SPRYD4: variants seen among roughly 807,000 people sequenced by gnomAD.
SPRYD4 encodes the protein SPRY domain-containing protein 4.
SPRYD4 carries 12 observed loss-of-function variants against 16.6 expected under a neutral mutation model. The observed-to-expected ratio is 0.72, with a 90% CI of 0.46 to 1.17. The LOEUF (loss-of-function observed/expected upper bound fraction) is 1.17. SPRYD4 is among the 50% of genes most tolerant of loss of function. The pLI, the probability that SPRYD4 is intolerant of heterozygous loss-of-function variation, is 0.00. For synonymous variants in SPRYD4, 98 were observed against 105.4 expected (o/e 0.93, Z 0.43); for missense variants, 260 against 260.2 (o/e 1.00, Z 0.00).
rs1870012467 is a variant in SPRYD4, at chr12:56,478,394, G to A, written c.*8817G>A. The A allele has an allele frequency of 1.1e-6, 1 of 881,254 alleles. No homozygotes were observed. Among genetic ancestry groups the A allele is most frequent in the East Asian group, 2.7e-5 (1 of 37,640 alleles). 54.6% of individuals were successfully genotyped at this position (881,254 alleles called of 1,614,324 possible). A position where few individuals can be genotyped will look rare whatever the true frequency, so the allele number is the denominator to read the frequency against. On this transcript the variant is annotated 3_prime_UTR_variant, in exon 2 of 2. Coordinates refer to ENST00000338146, the MANE Select transcript of SPRYD4 (RefSeq NM_207344.4). ...CTATAGGGCAGAGGGGTTCCCTCCT[G>A]CCTGTTGCTCCCAGAAATGCCCGAG...
chr12:56,475,203 T>G lies in SPRYD4; in HGVS notation c.*5626T>G. 6.2e-7 allele frequency: 1 copy of G among 1,604,294 alleles called. No homozygotes were observed. The highest frequency in any genetic ancestry group is 8.5e-7 in the Non-Finnish European group (1 of 1,179,834). The stretch of plus-strand genomic sequence containing the variant: ...CCTTCCCTGGAGAGACAGAACTACA[T>G]CACACCACAAACTAAATGAACCCCT... On this transcript the variant is annotated 3_prime_UTR_variant, in exon 2 of 2. Coordinates refer to ENST00000338146, the MANE Select transcript of SPRYD4 (RefSeq NM_207344.4).
At position 56,478,791 on chromosome 12, in the gene SPRYD4, G is replaced by C; in HGVS notation, c.*9214G>C. On this transcript the variant is annotated 3_prime_UTR_variant, in exon 2 of 2. Coordinates refer to ENST00000338146, the MANE Select transcript of SPRYD4 (RefSeq NM_207344.4). ...GTGGATCACTTGAGATCAGGAGTTC[G>C]AGACCAGCCTGGCCAATATGGCAAA... 5.6e-6 allele frequency: 2 copies of C among 354,710 alleles called. No individual in the cohort carries two copies. The highest frequency in any genetic ancestry group is 7.4e-5 in the South Asian group (2 of 26,960). The allele number at this position is 354,710 out of a possible 1,614,324, so 22.0% of individuals were successfully genotyped here. A position where few individuals can be genotyped will look rare whatever the true frequency, so the allele number is the denominator to read the frequency against.
In SPRYD4 at chr12:56,475,427, A is replaced by G. The variant is rs1370651968; in HGVS notation, c.*5850A>G. ...CATCACACTGCCTCTCTCATTATGT[A>G]CTAATTAGAAATGGAACAAATTATT... On this transcript the variant is annotated 3_prime_UTR_variant, in exon 2 of 2. Transcript: ENST00000338146. 3 of 706,616 alleles carry G rather than the reference A, an allele frequency of 4.2e-6. No homozygotes were observed. Among genetic ancestry groups the G allele is most frequent in the Admixed American group, 5.9e-5 (2 of 34,184 alleles). The allele number at this position is 706,616 out of a possible 1,614,324, so 43.8% of individuals were successfully genotyped here. A position where few individuals can be genotyped will look rare whatever the true frequency, so the allele number is the denominator to read the frequency against.
chr12:56,475,294 G>T lies in SPRYD4; in HGVS notation c.*5717G>T. ...CTGAGCAAACACTCAGCATAGTTTT[G>T]TTATAAAGTAAACCCAAACCAAACA... On this transcript the variant is annotated 3_prime_UTR_variant, in exon 2 of 2. Transcript: ENST00000338146. 1.4e-6 allele frequency: 2 copies of T among 1,457,108 alleles called. No individual in the cohort carries two copies. The highest frequency in any genetic ancestry group is 2.5e-5 in the East Asian group (1 of 40,668). The allele number at this position is 1,457,108 out of a possible 1,614,324, so 90.3% of individuals were successfully genotyped here.
chr12:56,471,400 G>T lies in SPRYD4; in HGVS notation c.*1823G>T. The T allele has an allele frequency of 7.1e-7, 1 of 1,400,012 alleles. No homozygotes were observed. Among genetic ancestry groups the T allele is most frequent in the Non-Finnish European group, 9.7e-7 (1 of 1,036,086 alleles). The allele number at this position is 1,400,012 out of a possible 1,614,324, so 86.7% of individuals were successfully genotyped here. On this transcript the variant is annotated 3_prime_UTR_variant, in exon 2 of 2. Coordinates refer to ENST00000338146, the MANE Select transcript of SPRYD4 (RefSeq NM_207344.4). ...GCTTGGTCCCCACTGAAGCAGTGTA[G>T]CTCTCCATAGTATTTTTGGTGGTTA... is the stretch of plus-strand genomic sequence containing the variant.
Position 56,469,738 on chromosome 12 carries a change from A to AC in SPRYD4, c.*161_*162insC. On this transcript the variant is annotated 3_prime_UTR_variant, in exon 2 of 2. Coordinates refer to ENST00000338146, the MANE Select transcript of SPRYD4 (RefSeq NM_207344.4). ...CATCTTCCTCATCCCCTACCTTGTG[A>AC]AAGCTAGGCATACAGCCAAACCCTC... 1 of 732,134 alleles carries AC rather than the reference A, an allele frequency of 1.4e-6. No homozygotes were observed. Among genetic ancestry groups the AC allele is most frequent in the Non-Finnish European group, 2.2e-6 (1 of 460,056 alleles). The allele number at this position is 732,134 out of a possible 1,614,324, so 45.4% of individuals were successfully genotyped here.
rs1869733036 is a variant in SPRYD4 at position 56,475,561 on chromosome 12, C to T, written c.*5984C>T. 10 of 1,534,748 alleles carry T rather than the reference C, an allele frequency of 6.5e-6. No homozygotes were observed. The highest frequency in any genetic ancestry group is 9.0e-6 in the Non-Finnish European group (10 of 1,113,152). On this transcript the variant is annotated 3_prime_UTR_variant, in exon 2 of 2. Transcript: ENST00000338146. ...TCTCTCTCCCCCATTCCTCTTGTCC[C>T]CATCCTAAGTACACACACATACACC... is the stretch of plus-strand genomic sequence containing the variant.
At position 56,474,082 on chromosome 12, in the gene SPRYD4, TTTTC is replaced by T. The variant is rs1272816364; in HGVS notation, c.*4509_*4512del. On this transcript the variant is annotated 3_prime_UTR_variant, in exon 2 of 2. Coordinates refer to ENST00000338146, the MANE Select transcript of SPRYD4 (RefSeq NM_207344.4). ...CAGGAGCTGCAACACCTCTGGTTGTTTTTCTTTTTCTTTTTTTCTTTTTTTTTGA... is the reference window on the plus strand; with the variant it reads ...CAGGAGCTGCAACACCTCTGGTTGTTTTTTTCTTTTTTTCTTTTTTTTTGA... The T allele has an allele frequency of 1.4e-5, 2 of 145,934 alleles. No individual in the cohort carries two copies. The highest frequency in any genetic ancestry group is 5.7e-5 in the African/African-American group (2 of 34,922). 9.0% of individuals were successfully genotyped at this position (145,934 alleles called of 1,614,324 possible). A position where few individuals can be genotyped will look rare whatever the true frequency, so the allele number is the denominator to read the frequency against.
rs1869147721 is a variant in SPRYD4, at chr12:56,469,530, G to A, written c.577G>A (p.Gly193Arg). ...PVVPAFALWD[G>R]ELLTHSGLEV... ...GGTGCCTGCCTTTGCTCTCTGGGAT[G>A]GGGAGCTGCTGACCCATTCAGGGCT... Residue 193 changes from glycine to arginine, a missense_variant, in exon 2 of 2, where the codon GGG (glycine) becomes AGG (arginine). Gly to Arg is a moderately radical substitution (Grantham distance 125). Transcript: ENST00000338146. 2 of 1,613,980 alleles carry A rather than the reference G, an allele frequency of 1.2e-6. No homozygotes were observed. Among genetic ancestry groups the A allele is most frequent in the South Asian group, 1.1e-5 (1 of 91,086 alleles).
In SPRYD4 at chr12:56,472,996, T is replaced by C. The variant is rs1565701274; in HGVS notation, c.*3419T>C. The C allele has an allele frequency of 5.1e-6, 3 of 589,484 alleles. No individual in the cohort carries two copies. The highest frequency in any genetic ancestry group is 8.8e-6 in the Non-Finnish European group (3 of 339,566). The allele number at this position is 589,484 out of a possible 1,614,324, so 36.5% of individuals were successfully genotyped here. A position where few individuals can be genotyped will look rare whatever the true frequency, so the allele number is the denominator to read the frequency against. On this transcript the variant is annotated 3_prime_UTR_variant, in exon 2 of 2. Transcript: ENST00000338146. ...CCTCTGCCTCCCGGTTTCAAGCGAT[T>C]CTCCTGCCTCAGCCTCCCAAGTAGC...
chr12:56,473,415 A>C lies in SPRYD4; in HGVS notation c.*3838A>C. On this transcript the variant is annotated 3_prime_UTR_variant, in exon 2 of 2. Coordinates refer to ENST00000338146, the MANE Select transcript of SPRYD4 (RefSeq NM_207344.4). ...TATAGTAAAAGTGGTACCATTAAACAAATTTATTGCTTCAAAAATAGTAAG... is the reference window on the plus strand; with the variant it reads ...TATAGTAAAAGTGGTACCATTAAACCAATTTATTGCTTCAAAAATAGTAAG... The C allele has an allele frequency of 6.2e-7, 1 of 1,604,050 alleles. No homozygotes were observed. The highest frequency in any genetic ancestry group is 8.5e-7 in the Non-Finnish European group (1 of 1,173,884).
chr12:56,476,136 C>A lies in SPRYD4; in HGVS notation c.*6559C>A. 1 of 650,684 alleles carries A rather than the reference C, an allele frequency of 1.5e-6. No homozygotes were observed. Among genetic ancestry groups the A allele is most frequent in the Non-Finnish European group, 2.7e-6 (1 of 373,300 alleles). The allele number at this position is 650,684 out of a possible 1,614,324, so 40.3% of individuals were successfully genotyped here. On this transcript the variant is annotated 3_prime_UTR_variant, in exon 2 of 2. Transcript: ENST00000338146. ...TTTTTTTATCCTTCTGAAAACACCG[C>A]ACTTCCATTGGCTCCTCTCTTTCTC...
rs1171719305 is a variant in SPRYD4, at chr12:56,471,335, G to C, written c.*1758G>C. 4 of 763,476 alleles carry C rather than the reference G, an allele frequency of 5.2e-6. No individual in the cohort carries two copies. The highest frequency in any genetic ancestry group is 3.8e-4 in the Middle Eastern group (1 of 2,650). 47.3% of individuals were successfully genotyped at this position (763,476 alleles called of 1,614,324 possible). A position where few individuals can be genotyped will look rare whatever the true frequency, so the allele number is the denominator to read the frequency against. On this transcript the variant is annotated 3_prime_UTR_variant, in exon 2 of 2. Transcript: ENST00000338146. ...GTCTGCTGAGGGAATGGGGTATTTT[G>C]ACTCCCATAGAAAGCACTAGCCTAA...
rs1420893076 is a variant in SPRYD4, at chr12:56,479,244, C to T, written c.*9667C>T. On this transcript the variant is annotated 3_prime_UTR_variant, in exon 2 of 2. Transcript: ENST00000338146. ...AATGCAGCTGGGACTCACTCTGGAG[C>T]CACGGAAATTGGGAATAAAGAAGGT... 5 of 1,582,600 alleles carry T rather than the reference C, an allele frequency of 3.2e-6. No individual in the cohort carries two copies. Among genetic ancestry groups the T allele is most frequent in the Admixed American group, 3.5e-5 (2 of 57,364 alleles).
rs1450723535 is a variant in SPRYD4 at position 56,478,703 on chromosome 12, C to T, written c.*9126C>T. 19 of 258,458 alleles carry T rather than the reference C, an allele frequency of 7.4e-5. No individual in the cohort carries two copies. In the Admixed American group the frequency reaches 8.5e-4, roughly 12 times the overall value. The allele number at this position is 258,458 out of a possible 1,614,324, so 16.0% of individuals were successfully genotyped here. On this transcript the variant is annotated 3_prime_UTR_variant, in exon 2 of 2. Coordinates refer to ENST00000338146, the MANE Select transcript of SPRYD4 (RefSeq NM_207344.4). ...CCAGCCCCAGGAAATCTCTGAGAAGCGAGGTATATCTAGGTGTGGTGGCTC... is the reference window on the plus strand; with the variant it reads ...CCAGCCCCAGGAAATCTCTGAGAAGTGAGGTATATCTAGGTGTGGTGGCTC...
At position 56,476,657 on chromosome 12, in the gene SPRYD4, G is replaced by T. The variant is rs917134839; in HGVS notation, c.*7080G>T. 6.6e-6 allele frequency: 1 copy of T among 150,932 alleles called. No individual in the cohort carries two copies. Among genetic ancestry groups the T allele is most frequent in the African/African-American group, 2.5e-5 (1 of 40,776 alleles). 9.3% of individuals were successfully genotyped at this position (150,932 alleles called of 1,614,324 possible). A position where few individuals can be genotyped will look rare whatever the true frequency, so the allele number is the denominator to read the frequency against. ...CGCCCAGGCTGGAGTGCAGTGGCAG[G>T]ATCTCGGCTCAACTGCAAGCTCCGC... is the stretch of plus-strand genomic sequence containing the variant. On this transcript the variant is annotated 3_prime_UTR_variant, in exon 2 of 2. Coordinates refer to ENST00000338146, the MANE Select transcript of SPRYD4 (RefSeq NM_207344.4).
Position 56,478,379 on chromosome 12 carries a change from G to C in SPRYD4, c.*8802G>C, listed in dbSNP as rs1870010349. On this transcript the variant is annotated 3_prime_UTR_variant, in exon 2 of 2. Coordinates refer to ENST00000338146, the MANE Select transcript of SPRYD4 (RefSeq NM_207344.4). ...CTAAAATTCTGTCTTCTATAGGGCAGAGGGGTTCCCTCCTGCCTGTTGCTC... is the reference window on the plus strand; with the variant it reads ...CTAAAATTCTGTCTTCTATAGGGCACAGGGGTTCCCTCCTGCCTGTTGCTC... 7.4e-6 allele frequency: 8 copies of C among 1,075,800 alleles called. No individual in the cohort carries two copies. The highest frequency in any genetic ancestry group is 4.3e-5 in the Admixed American group (2 of 46,008). The allele number at this position is 1,075,800 out of a possible 1,614,324, so 66.6% of individuals were successfully genotyped here.
Position 56,474,541 on chromosome 12 carries a change from C to T in SPRYD4, c.*4964C>T, listed in dbSNP as rs961690705. On this transcript the variant is annotated 3_prime_UTR_variant, in exon 2 of 2. Transcript: ENST00000338146. ...CAGATGGATAGCAGAGCCAGAAACT[C>T]ACGTGGAAGGCAAACTGGCCAGAGA... is the stretch of plus-strand genomic sequence containing the variant. 1 of 1,613,760 alleles carries T rather than the reference C, an allele frequency of 6.2e-7. No homozygotes were observed. Among genetic ancestry groups the T allele is most frequent in the Non-Finnish European group, 8.5e-7 (1 of 1,180,040 alleles).
At position 56,474,941 on chromosome 12, in the gene SPRYD4, C is replaced by G; in HGVS notation, c.*5364C>G. On this transcript the variant is annotated 3_prime_UTR_variant, in exon 2 of 2. Coordinates refer to ENST00000338146, the MANE Select transcript of SPRYD4 (RefSeq NM_207344.4). ...GAGCATTTCTCTTCAGGACATCAGC[C>G]CTTTCACACTGTCAGGGTCTCAGCT... 1 of 1,613,914 alleles carries G rather than the reference C, an allele frequency of 6.2e-7. No homozygotes were observed. Among genetic ancestry groups the G allele is most frequent in the African/African-American group, 1.3e-5 (1 of 75,038 alleles).
Sources: gnomAD v4.1 joint callset for allele counts on GRCh38, gnomAD v4.1.1 for gene constraint, MANE v1.5 for transcripts, NCBI Gene and HGNC (gene_info 2026-07-23, HGNC 2026-07-21) for gene names.